NFIA: variants seen among roughly 807,000 people sequenced by gnomAD.
NFIA encodes the protein nuclear factor I A.
Under a neutral mutation model 62.8 loss-of-function variants are expected in NFIA, and 8 were observed. That is an observed-to-expected ratio of 0.13 (90% CI 0.07 to 0.23). The LOEUF is 0.23. NFIA is among the 10% of genes least tolerant of loss of function. NFIA has a pLI of 1.00. For missense variants in NFIA, 410 were observed against 642.1 expected, an observed-to-expected ratio of 0.64 and a Z score of 3.91; for synonymous variants, 235 against 238.1, an observed-to-expected ratio of 0.99 and a Z score of 0.12.
intron 2 of NFIA, among the ~76,000 whole-genome samples, chr1:61,111,331 C>G (rs1219986086): frequency 6.6e-6 from 1 of 152,108 alleles, no homozygotes; most frequent in East Asian, 1.9e-4. Context: ...CTCAGATCTT[C>G]AGAGTTTTTT....
chr1:61,104,629 G>A (rs1003594133), intron 2 of NFIA, among the ~76,000 whole-genome samples: 3 of 152,008 alleles, frequency 2.0e-5, no homozygotes, highest in African/African-American at 4.8e-5. Flanking sequence ...TTCTCTAGGC[G>A]TGTTCATTAT....
chr1:61,318,846 C>T (rs1465169936), intron 3 of NFIA, among the ~76,000 whole-genome samples: 1 of 152,078 alleles, frequency 6.6e-6, no homozygotes, highest in African/African-American at 2.4e-5. Context: ...AGAGGAAAGG[C>T]CACCTTCTAC....
At chr1:61,255,721 G>C (rs749313780) in intron 2 of NFIA, among the ~76,000 whole-genome samples, 2 of 152,128 alleles carry the variant, frequency 1.3e-5, no homozygotes, top group African/African-American at 2.4e-5. Context: ...AGTCACCTTG[G>C]CACCTGACTG....
chr1:61,454,566 A>C (rs1266943565), intron 10 of NFIA, among the ~76,000 whole-genome samples: 1 of 152,216 alleles, frequency 6.6e-6, no homozygotes, highest in Non-Finnish European at 1.5e-5. Flanking sequence ...ATAGAGTAAA[A>C]TCTTGATCCT....
At chr1:61,361,782 GGT>G (rs61410878) in intron 6 of NFIA, among the ~76,000 whole-genome samples, 6,607 of 142,134 alleles carry the variant, frequency 0.046, 161 homozygotes, top group South Asian at 0.075. Context: ...TTTGGTAAGA[GGT>G]GTGTGTGTGT....
At chr1:61,316,553 G>T (rs956429834) in intron 3 of NFIA, among the ~76,000 whole-genome samples, 1 of 152,166 alleles carries the variant, frequency 6.6e-6, no homozygotes, top group African/African-American at 2.4e-5. Context: ...ATCCTGAGGG[G>T]ACAGGGCAGT....
rs1668496308 is a variant in NFIA, at chr1:61,460,752, TGTCA to T, written c.*5438_*5441del. On this transcript the variant is annotated 3_prime_UTR_variant, in exon 11 of 11. Transcript: ENST00000403491. ...TTCTACACCGGTAGCCTTCGCTGTC[TGTCA>T]GTCAGGACCTTCTGGTATAGGTGAT... 1 of 152,264 alleles carries T rather than the reference TGTCA, an allele frequency of 6.6e-6. No homozygotes were observed. The highest frequency in any genetic ancestry group is 2.1e-4 in the South Asian group (1 of 4,830). The allele number at this position is 152,264 out of a possible 1,614,324, so 9.4% of individuals were successfully genotyped here.
At chr1:61,332,199 A>G (rs757122495) in intron 3 of NFIA, among the ~76,000 whole-genome samples, 10 of 152,176 alleles carry the variant, frequency 6.6e-5, no homozygotes, top group Non-Finnish European at 1.3e-4. Context: ...CCCAATTGTT[A>G]AGGTCTTAGA....
intron 4 of NFIA, among the ~76,000 whole-genome samples, chr1:61,352,092 G>C (rs1312231127): frequency 6.6e-6 from 1 of 152,186 alleles, no homozygotes; most frequent in Non-Finnish European, 1.5e-5. Context: ...AAGCTGTCAG[G>C]ATCAGATAAA....
intron 2 of NFIA, among the ~76,000 whole-genome samples, chr1:61,235,334 G>A (rs1160115475): frequency 6.6e-6 from 1 of 151,810 alleles, no homozygotes; most frequent in Non-Finnish European, 1.5e-5. Flanking sequence ...GTGGTGGGTG[G>A]TGCCTGTAGT....
At chr1:61,342,414 C>T (rs9436635) in intron 4 of NFIA, among the ~76,000 whole-genome samples, 17,351 of 152,184 alleles carry the variant, frequency 0.11, 1,026 homozygotes, top group South Asian at 0.16. Context: ...AATCCCATGA[C>T]TGAGGCTGTA....
At chr1:61,387,357 G>T (rs991865674) in intron 7 of NFIA, among the ~76,000 whole-genome samples, 19 of 152,072 alleles carry the variant, frequency 1.2e-4, no homozygotes, top group Admixed American at 2.0e-4. Context: ...ATGCACGTGG[G>T]TCATACAATT....
chr1:61,442,518 C>T (rs931478487), intron 10 of NFIA, among the ~76,000 whole-genome samples: 12 of 151,314 alleles, frequency 7.9e-5, no homozygotes, highest in Non-Finnish European at 1.6e-4. Context: ...ATGTGCAAAC[C>T]ATTTTAAGTT....
chr1:61,279,805 T>C (rs1266819636), intron 3 of NFIA, among the ~76,000 whole-genome samples: 1 of 152,164 alleles, frequency 6.6e-6, no homozygotes, highest in African/African-American at 2.4e-5. Context: ...AATCCCAATA[T>C]TGTGTGTTTC....
intron 6 of NFIA, among the ~76,000 whole-genome samples, chr1:61,380,301 G>A (rs77275692): frequency 3.9e-5 from 6 of 152,124 alleles, no homozygotes; most frequent in African/African-American, 1.4e-4. Context: ...TCCAGAAAAA[G>A]AGTAGGATTA....
chr1:61,332,527 A>G lies in NFIA; in HGVS notation c.641A>G (p.Gln214Arg), dbSNP rs1224110710. 1 of 1,614,038 alleles carries G rather than the reference A, an allele frequency of 6.2e-7. No homozygotes were observed. Among genetic ancestry groups the G allele is most frequent in the Non-Finnish European group, 8.5e-7 (1 of 1,179,930 alleles). Residue 214 changes from glutamine (Q) to arginine (R), a missense_variant, in exon 4 of 11, where the codon CAG becomes CGG. Around this residue, in one of 3 missense-constraint regions of NFIA, gnomAD observed 298 missense variants for 438.1 expected, o/e 0.68. Coordinates refer to ENST00000403491, the MANE Select transcript of NFIA (RefSeq NM_001134673.4). ...DQPENGHLGF[Q>R]DSFVTSGVFS... ...GTTTCCCCAGGACATTTGGGCTTCCAGGACAGTTTTGTCACATCAGGTGTT... is the reference window on the plus strand; with the variant it reads ...GTTTCCCCAGGACATTTGGGCTTCCGGGACAGTTTTGTCACATCAGGTGTT...
At chr1:61,329,330 G>T (rs1661157544) in intron 3 of NFIA, among the ~76,000 whole-genome samples, 1 of 151,706 alleles carries the variant, frequency 6.6e-6, no homozygotes, top group African/African-American at 2.4e-5. Context: ...ACAGGTGGGA[G>T]CCACTGCCCC....
At chr1:61,440,149 T>C (rs1569883706) in intron 10 of NFIA, among the ~76,000 whole-genome samples, 1 of 152,210 alleles carries the variant, frequency 6.6e-6, no homozygotes, top group South Asian at 2.1e-4. Context: ...AGGATCGTGC[T>C]GCTCAATGAA....
At chr1:61,379,624 T>C (rs993631995) in intron 6 of NFIA, among the ~76,000 whole-genome samples, 4 of 131,848 alleles carry the variant, frequency 3.0e-5, no homozygotes, top group Non-Finnish European at 7.2e-5. Context: ...GCCAGGATGG[T>C]CTCGATCTCT....
Sources: allele counts gnomAD v4.1 joint callset (sites outside exome capture counted in the v4.1 genomes callset), GRCh38; gene constraint gnomAD v4.1.1; regional missense constraint gnomAD v4.1.1; transcripts MANE v1.5; gene names NCBI Gene and HGNC (gene_info 2026-07-23, HGNC 2026-07-21).